TJP3: variants seen among roughly 807,000 people sequenced by gnomAD.
TJP3 encodes tight junction protein 3.
TJP3 carries 85 observed loss-of-function variants against 104.2 expected under a neutral mutation model. That is an observed-to-expected ratio of 0.82 (90% CI 0.68 to 0.98). The LOEUF (loss-of-function observed/expected upper bound fraction) is 0.98, where lower values mean the gene tolerates loss of function less well. Among genes scored for constraint, TJP3 ranks in the 50% least tolerant of loss-of-function variants. TJP3 has a pLI of 0.00. For synonymous variants in TJP3, 550 were observed against 550.6 expected, an observed-to-expected ratio of 1.00 and a Z score of 0.02; for missense variants, 1,367 against 1,322.8, an observed-to-expected ratio of 1.03 and a Z score of -0.52.
rs2036708242 is a variant in TJP3, at chr19:3,734,250, TTG to T, written c.878-76_878-75del. 2.1e-6 allele frequency: 3 copies of T among 1,457,364 alleles called. No homozygotes were observed. The South Asian group carries it at 3.6e-5, about 18-fold the overall frequency. 90.3% of individuals were successfully genotyped at this position (1,457,364 alleles called of 1,614,324 possible). A position where few individuals can be genotyped will look rare whatever the true frequency, so the allele number is the denominator to read the frequency against. ...CTAGGGCCCTTTGTTTAGAGGGGTG[TTG>T]ATATACCCCTCTGTAAAATGGGTCC... On this transcript the variant is annotated intron_variant, in intron 7 of 20. Coordinates refer to ENST00000541714, the MANE Select transcript of TJP3 (RefSeq NM_001267560.2).
At chr19:3,728,742 G>A (rs751939233) in intron 3 of TJP3, 29 bp downstream of exon 3, 56 of 1,608,640 alleles carry the variant, frequency 3.5e-5, no homozygotes, top group African/African-American at 1.2e-4. Flanking sequence ...GGGTTCTGGC[G>A]GGGGAGGGCA....
chr19:3,730,243 G>T lies in TJP3; in HGVS notation c.262-112G>T. On this transcript the variant is annotated intron_variant, in intron 4 of 20. Transcript: ENST00000541714. The surrounding 1 kb of genome is among the most constrained non-coding windows in gnomAD (Gnocchi z 7.3). ...GAGTCATCTTCTCATCTTACAGTTT[G>T]GACATTGAGGCCCAGAGAGAGACTG... 6.7e-7 allele frequency: 1 copy of T among 1,491,564 alleles called. No individual in the cohort carries two copies. The highest frequency in any genetic ancestry group is 1.2e-5 in the South Asian group (1 of 84,626). 92.4% of individuals were successfully genotyped at this position (1,491,564 alleles called of 1,614,324 possible). A position where few individuals can be genotyped will look rare whatever the true frequency, so the allele number is the denominator to read the frequency against.
rs757424680 is a variant in TJP3 at position 3,733,849 on chromosome 19, C to T, written c.814C>T (p.Arg272Cys). The change falls in exon 7 of 21, where the codon CGT (arginine) becomes TGT (cysteine). Residue 272 changes from arginine (R) to cysteine (C), a missense_variant. By Grantham distance (180) the Arg-to-Cys change is radical. Transcript: ENST00000541714. ...GKLSLLVLRD[R>C]GQFLVNIPPA... Reference sequence around the variant, plus strand: ...GCTAAGCCTGCTGGTGCTGAGAGATCGTGGGCAGTTCCTGGTGAACATTCC... The same window carrying T: ...GCTAAGCCTGCTGGTGCTGAGAGATTGTGGGCAGTTCCTGGTGAACATTCC... 2.7e-5 allele frequency: 43 copies of T among 1,614,104 alleles called. 1 individual carries two copies. The highest frequency in any genetic ancestry group is 1.6e-4 in the Middle Eastern group (1 of 6,084).
intron 3 of TJP3, 122 bp downstream of exon 3, chr19:3,728,835 C>G: frequency 9.5e-7 from 1 of 1,047,730 alleles, no homozygotes; most frequent in Non-Finnish European, 1.4e-6. Context: ...GGCGGATCAC[C>G]TGAGTTCAGG....
At chr19:3,741,486 G>A (rs910034383) in intron 14 of TJP3, among the ~76,000 whole-genome samples, 1 of 151,202 alleles carries the variant, frequency 6.6e-6, no homozygotes, top group Non-Finnish European at 1.5e-5. Context: ...AATTAGCTGG[G>A]CATGGTGGCA....
At chr19:3,711,178 C>T (rs1338943518) in intron 1 of TJP3, among the ~76,000 whole-genome samples, 40 of 60,346 alleles carry the variant, frequency 6.6e-4, no homozygotes, top group Admixed American at 1.2e-3. Context: ...GGATTACAGG[C>T]GTGAGCCACC....
intron 15 of TJP3, among the ~76,000 whole-genome samples, chr19:3,745,172 G>T (rs2036870619): frequency 1.0e-5 from 1 of 97,854 alleles, no homozygotes; most frequent in Non-Finnish European, 1.8e-5. Context: ...TTGCATCAGA[G>T]TCTTGCTCTG....
intron 1 of TJP3, among the ~76,000 whole-genome samples, chr19:3,718,448 T>C (rs982246098): frequency 2.0e-5 from 3 of 149,306 alleles, no homozygotes; most frequent in African/African-American, 7.4e-5. Flanking sequence ...CATTTTCTTT[T>C]CTTGCGGTTT....
chr19:3,741,191 CG>C (rs1353980456), intron 14 of TJP3, among the ~76,000 whole-genome samples: 1 of 151,340 alleles, frequency 6.6e-6, no homozygotes, highest in Non-Finnish European at 1.5e-5. Flanking sequence ...TTAGTAAAGA[CG>C]GGGTTTCACC....
At chr19:3,719,210 A>G (rs1471236929) in intron 1 of TJP3, among the ~76,000 whole-genome samples, 1 of 151,392 alleles carries the variant, frequency 6.6e-6, no homozygotes, top group East Asian at 2.0e-4. Flanking sequence ...GCTGGACCTT[A>G]ATCATCTAAA....
intron 15 of TJP3, among the ~76,000 whole-genome samples, chr19:3,744,890 T>C (rs28812223): frequency 0.32 from 49,071 of 151,846 alleles, 8,161 homozygotes; most frequent in East Asian, 0.42. Flanking sequence ...ATCACGCCAC[T>C]GCGCTCCAGC....
chr19:3,709,319 C>T (rs1022321360), intron 1 of TJP3, among the ~76,000 whole-genome samples: 1 of 152,154 alleles, frequency 6.6e-6, no homozygotes, highest in African/African-American at 2.4e-5. Context: ...TGGTCTCGAA[C>T]TCCTGACCTC....
chr19:3,732,407 C>A (rs1345628943), intron 6 of TJP3, among the ~76,000 whole-genome samples: 1 of 152,100 alleles, frequency 6.6e-6, no homozygotes, highest in Non-Finnish European at 1.5e-5. Flanking sequence ...AGGATGGTAT[C>A]TTTCTGGATT....
At chr19:3,743,851 T>C (rs1568387286) in intron 14 of TJP3, 88 bp from the exon 15 acceptor site, 1 of 1,204,890 alleles carries the variant, frequency 8.3e-7, no homozygotes, top group East Asian at 2.3e-5. Context: ...CTGTTTACTA[T>C]AAGGAAGTGG....
Position 3,748,065 on chromosome 19 carries a change from C to T in TJP3, c.2594C>T (p.Ala865Val), listed in dbSNP as rs1303229927. 6.4e-7 allele frequency: 1 copy of T among 1,574,026 alleles called. No homozygotes were observed. The highest frequency in any genetic ancestry group is 1.2e-5 in the South Asian group (1 of 86,712). The part of the protein sequence containing the change: ...QSPRDRGRIS[A>V]HQGAQVDSRH... Reference sequence around the variant, plus strand: ...CCGAGGGATCGTGGGAGAATCTCGGCTCATCAGGGGGCCCAGGTGCGTCGG... The same window carrying T: ...CCGAGGGATCGTGGGAGAATCTCGGTTCATCAGGGGGCCCAGGTGCGTCGG... The change falls in exon 19 of 21, where the codon GCT becomes GTT. Residue 865 changes from alanine to valine, a missense_variant. Physicochemically the swap from Ala to Val is moderately conservative, Grantham distance 64 (BLOSUM62 0). Transcript: ENST00000541714.
chr19:3,740,719 G>A lies in TJP3; in HGVS notation c.1799G>A (p.Arg600Gln), dbSNP rs762513259. 14 of 1,600,868 alleles carry A rather than the reference G, an allele frequency of 8.7e-6. 1 individual carries two copies. Among genetic ancestry groups the A allele is most frequent in the Admixed American group, 6.9e-5 (4 of 58,088 alleles). The change falls in exon 14 of 21, where the codon CGA (arginine) becomes CAA (glutamine). Residue 600 changes from arginine (R) to glutamine (Q), a missense_variant. By Grantham distance (43) the Arg-to-Gln change is conservative (BLOSUM62 1). Coordinates refer to ENST00000541714, the MANE Select transcript of TJP3 (RefSeq NM_001267560.2). ...CGTGAGGACCTCTCAGCTCTGACCC[G>A]ACAGGGCCGCTACCCGCCCTACGAA... ...RSREDLSALTRQGRYPPYERV... is the reference protein window; with the variant it reads ...RSREDLSALTQQGRYPPYERV...
intron 20 of TJP3, 95 bp downstream of exon 20, chr19:3,750,279 G>A: frequency 6.5e-7 from 1 of 1,539,432 alleles, no homozygotes; most frequent in Non-Finnish European, 9.0e-7. Flanking sequence ...TGCCTTCATG[G>A]TGCCCCTAGC....
chr19:3,737,446 G>T (rs954177223), intron 11 of TJP3, among the ~76,000 whole-genome samples: 2 of 149,950 alleles, frequency 1.3e-5, no homozygotes, highest in Non-Finnish European at 3.0e-5. Context: ...GTCATTTTCT[G>T]TGCCACCATC....
chr19:3,715,379 G>A (rs142450421), intron 1 of TJP3, among the ~76,000 whole-genome samples: 2,057 of 152,148 alleles, frequency 0.014, 50 homozygotes, highest in African/African-American at 0.047. Flanking sequence ...GTGAGCCACC[G>A]CGCCCGGCCA....
Sources: gnomAD v4.1 joint callset for allele counts (sites outside exome capture counted in the v4.1 genomes callset) on GRCh38, gnomAD v4.1.1 for gene constraint, Gnocchi (gnomAD v3.1) non-coding constraint, MANE v1.5 for transcripts, NCBI Gene and HGNC (gene_info 2026-07-23, HGNC 2026-07-21) for gene names.